The following GRK2 variants were observed in gnomAD, a reference collection of about 807,000 sequenced individuals.
GRK2 encodes G protein-coupled receptor kinase 2.
A neutral mutation model predicts 97.8 loss-of-function variants in GRK2; 23 were observed. The ratio of observed to expected loss-of-function variants is 0.24; its 90% CI spans 0.17 to 0.33. GRK2 has a LOEUF of 0.33. Among genes scored for constraint, GRK2 ranks in the 10% least tolerant of loss-of-function variants. The pLI is 1.00. For synonymous variants in GRK2, 425 were observed against 381.7 expected, an observed-to-expected ratio of 1.11 and a Z score of -1.32; for missense variants, 633 against 956.9, an observed-to-expected ratio of 0.66 and a Z score of 4.47.
rs374925854 is a variant in GRK2, at chr11:67,279,570, T to A, written c.366+51T>A. 1.9e-6 allele frequency: 3 copies of A among 1,612,408 alleles called. No homozygotes were observed. In the South Asian group the frequency reaches 3.3e-5, roughly 18 times the overall value. ...TGCTGGCCCAGAGTCACCTGCAGAT[T>A]GGGAGGGGAAGAGAGGACCCTGCTG... On this transcript the variant is annotated intron_variant, in intron 4 of 20. Coordinates refer to ENST00000308595, the MANE Select transcript of GRK2 (RefSeq NM_001619.5).
rs1374791660 is a variant in GRK2 at position 67,269,199 on chromosome 11, C to G, written c.113+2387C>G. ...CACGCCGCCCCCCGCCCCCCGCCGCCCCAGTGGTGATCCTGACCATGTTTC... is the reference window on the plus strand; with the variant it reads ...CACGCCGCCCCCCGCCCCCCGCCGCGCCAGTGGTGATCCTGACCATGTTTC... On this transcript the variant is annotated intron_variant, in intron 1 of 20. Coordinates refer to ENST00000308595, the MANE Select transcript of GRK2 (RefSeq NM_001619.5). This position sits in a 1 kb window ranked among gnomAD's most constrained non-coding sequence, Gnocchi z 4.1. 6.6e-6 allele frequency among the ~76,000 whole-genome samples: 1 copy of G among 152,184 alleles called. No individual in the cohort carries two copies. The highest frequency in any genetic ancestry group is 2.4e-5 in the African/African-American group (1 of 41,452).
Position 67,285,120 on chromosome 11 carries a change from C to G in GRK2, c.1837C>G (p.Gln613Glu), listed in dbSNP as rs1188278348. The G allele has an allele frequency of 6.2e-7, 1 of 1,613,596 alleles. No individual in the cohort carries two copies. The highest frequency in any genetic ancestry group is 1.7e-5 in the Admixed American group (1 of 60,030). The change falls in exon 20 of 21, where the codon CAG becomes GAG. Residue 613 changes from glutamine (Q) to glutamate (E), a missense_variant. By Grantham distance (29) the Gln-to-Glu change is conservative. Transcript: ENST00000308595. ...MEEIQSVEETQIKERKCLLLK... is the reference protein window; with the variant it reads ...MEEIQSVEETEIKERKCLLLK... ...GGAGATCCAGTCGGTGGAGGAGACG[C>G]AGATCAAGGAGCGCAAGTGCCTGCT...
Position 67,276,527 on chromosome 11 carries a change from C to G in GRK2, c.114-745C>G, listed in dbSNP as rs1450861777. ...CCAGGGCAGGGGTCACATTTTATAT[C>G]CAAGTACTAGGGACACACGAACCAA... On this transcript the variant is annotated intron_variant, in intron 1 of 20. Coordinates refer to ENST00000308595, the MANE Select transcript of GRK2 (RefSeq NM_001619.5). This position sits in a 1 kb window ranked among gnomAD's most constrained non-coding sequence, Gnocchi z 4.2. The G allele has an allele frequency of 1.3e-5, 2 of 152,158 alleles. No homozygotes were observed. Among genetic ancestry groups the G allele is most frequent in the African/African-American group, 2.4e-5 (1 of 41,422 alleles). The allele number at this position is 152,158 out of a possible 1,614,324, so 9.4% of individuals were successfully genotyped here.
At chr11:67,274,203 G>A (rs1859973120) in intron 1 of GRK2, among the ~76,000 whole-genome samples, 2 of 151,992 alleles carry the variant, frequency 1.3e-5, no homozygotes, top group Non-Finnish European at 2.9e-5. Context: ...AGTAGAGACG[G>A]GGTTTCACCA....
At chr11:67,275,512 C>T (rs1860011069) in intron 1 of GRK2, among the ~76,000 whole-genome samples, 1 of 149,234 alleles carries the variant, frequency 6.7e-6, no homozygotes, top group African/African-American at 2.4e-5. Flanking sequence ...GTTGCCTCTG[C>T]CTGGGCTTCC....
intron 1 of GRK2, among the ~76,000 whole-genome samples, chr11:67,273,738 G>T (rs775994527): frequency 6.6e-6 from 1 of 152,116 alleles, no homozygotes; most frequent in Non-Finnish European, 1.5e-5. Context: ...GAGTGCTGTG[G>T]GCTGGGAAGA....
At chr11:67,273,029 G>A (rs1044905725) in intron 1 of GRK2, among the ~76,000 whole-genome samples, 1 of 152,240 alleles carries the variant, frequency 6.6e-6, no homozygotes, top group African/African-American at 2.4e-5. Context: ...GGCGGGGCAC[G>A]GCGGGCAGCA....
chr11:67,279,096 C>A, intron 2 of GRK2, 104 bp from the exon 3 acceptor site: 1 of 968,342 alleles, frequency 1.0e-6, no homozygotes, highest in Non-Finnish European at 1.7e-6. Flanking sequence ...CCTTTGCCAC[C>A]TCCATAGCCA....
intron 1 of GRK2, among the ~76,000 whole-genome samples, chr11:67,272,138 T>C (rs1391968603): frequency 1.3e-5 from 2 of 152,074 alleles, no homozygotes; most frequent in African/African-American, 4.8e-5. Flanking sequence ...CTGCCTCCCA[T>C]CCTGGGTTCC....
At chr11:67,277,455 T>C (rs920367822) in intron 2 of GRK2, 107 bp downstream of exon 2, 3 of 1,018,372 alleles carry the variant, frequency 2.9e-6, no homozygotes, top group Non-Finnish European at 4.5e-6. Flanking sequence ...TCCCATCCAC[T>C]CAGGGTGGAG....
At chr11:67,277,153 C>T in intron 1 of GRK2, 119 bp from the exon 2 acceptor site, 1 of 895,530 alleles carries the variant, frequency 1.1e-6, no homozygotes, top group South Asian at 1.5e-5. Context: ...GCCTGACGGG[C>T]TGGCCTCCTT....
At chr11:67,271,729 T>G (rs894638797) in intron 1 of GRK2, among the ~76,000 whole-genome samples, 4 of 152,244 alleles carry the variant, frequency 2.6e-5, no homozygotes, top group Non-Finnish European at 5.9e-5. Flanking sequence ...CGGGGCCAGC[T>G]GGCTTTTTCT....
chr11:67,283,154 C>T lies in GRK2; in HGVS notation c.1254C>T (p.Ser418=). 6.2e-7 allele frequency: 1 copy of T among 1,614,006 alleles called. No homozygotes were observed. Among genetic ancestry groups the T allele is most frequent in the Admixed American group, 1.7e-5 (1 of 60,030 alleles). The change falls in exon 15 of 21, where the codon TCC becomes TCT. Residue 418 remains serine (S), a synonymous_variant. Coordinates refer to ENST00000308595, the MANE Select transcript of GRK2 (RefSeq NM_001619.5). ...TMAVELPDSF[S]PELRSLLEGL... is the part of the protein sequence containing the mutation. Reference sequence around the variant, plus strand: ...CCGTGGAGCTGCCCGACTCCTTCTCCCCTGAACTACGCTCCCTGCTGGAGG... The same window carrying T: ...CCGTGGAGCTGCCCGACTCCTTCTCTCCTGAACTACGCTCCCTGCTGGAGG...
In GRK2 at chr11:67,284,231, G is replaced by A. The variant is rs1860221666; in HGVS notation, c.1512G>A (p.Glu504=). The change falls in exon 18 of 21, where the codon GAG becomes GAA. Residue 504 remains glutamate, a synonymous_variant. Transcript: ENST00000308595. ...TAAAGTTACTGGACAGTGATCAGGA[G>A]CTCTACCGCAACTTCCCCCTCACCA... ...KGIKLLDSDQ[E]LYRNFPLTIS... 4.3e-6 allele frequency: 7 copies of A among 1,613,550 alleles called. No individual in the cohort carries two copies. The South Asian group carries it at 7.7e-5, about 18-fold the overall frequency.
At position 67,266,717 on chromosome 11, in the gene GRK2, G is replaced by C. The variant is rs1489294892; in HGVS notation, c.18G>C (p.Ala6=). 3.1e-6 allele frequency: 4 copies of C among 1,290,456 alleles called. No individual in the cohort carries two copies. Among genetic ancestry groups the C allele is most frequent in the African/African-American group, 1.6e-5 (1 of 63,806 alleles). The allele number at this position is 1,290,456 out of a possible 1,614,324, so 79.9% of individuals were successfully genotyped here. The part of the protein sequence containing the change: MADLE[A]VLADVSYLMA... ...CCGCCAAGATGGCGGACCTGGAGGCGGTGCTGGCCGACGTGAGCTACCTGA... is the reference window on the plus strand; with the variant it reads ...CCGCCAAGATGGCGGACCTGGAGGCCGTGCTGGCCGACGTGAGCTACCTGA... The change falls in exon 1 of 21, where the codon GCG becomes GCC. Residue 6 remains alanine, a synonymous_variant. Transcript: ENST00000308595.
intron 15 of GRK2, 106 bp from the exon 16 acceptor site, chr11:67,283,601 C>T (rs1159453024): frequency 5.4e-6 from 6 of 1,108,204 alleles, no homozygotes; most frequent in Non-Finnish European, 8.1e-6. Flanking sequence ...ACAGCTCAGG[C>T]TTAAGGAACT....
chr11:67,266,629 G>C lies in GRK2; in HGVS notation c.-71G>C. The C allele has an allele frequency of 1.5e-6, 1 of 674,284 alleles. No homozygotes were observed. The highest frequency in any genetic ancestry group is 1.8e-6 in the Non-Finnish European group (1 of 544,272). 41.8% of individuals were successfully genotyped at this position (674,284 alleles called of 1,614,324 possible). On this transcript the variant is annotated 5_prime_UTR_variant, in exon 1 of 21. Coordinates refer to ENST00000308595, the MANE Select transcript of GRK2 (RefSeq NM_001619.5). ...GGCCGAGCGAGCCGCGGCCGGGCCG[G>C]GCCGAGCGCCGAGCGAGCAGGAGCG...
chr11:67,282,983 G>T lies in GRK2; in HGVS notation c.1228-145G>T. On this transcript the variant is annotated intron_variant, in intron 14 of 20. Transcript: ENST00000308595. The surrounding 1 kb of genome is among the most constrained non-coding windows in gnomAD (Gnocchi z 6.9). Reference sequence around the variant, plus strand: ...CCCCATAGGCTCTCGCCCTCCCCGTGCTGTTGGAGCATGACTGCTGGGCGA... The same window carrying T: ...CCCCATAGGCTCTCGCCCTCCCCGTTCTGTTGGAGCATGACTGCTGGGCGA... 1 of 1,147,302 alleles carries T rather than the reference G, an allele frequency of 8.7e-7. No homozygotes were observed. 71.1% of individuals were successfully genotyped at this position (1,147,302 alleles called of 1,614,324 possible). A position where few individuals can be genotyped will look rare whatever the true frequency, so the allele number is the denominator to read the frequency against.
In GRK2 at chr11:67,281,777, C is replaced by G. The variant is rs1565067472; in HGVS notation, c.827-45C>G. On this transcript the variant is annotated intron_variant, in intron 10 of 20. Coordinates refer to ENST00000308595, the MANE Select transcript of GRK2 (RefSeq NM_001619.5). The surrounding 1 kb of genome is among the most constrained non-coding windows in gnomAD (Gnocchi z 5.7). ...GTGGGCCGGGCCCAGGCACGGGAGG[C>G]TGGGGCAAGACACTGAGTGCTGCCT... is the stretch of plus-strand genomic sequence containing the variant. 1.2e-6 allele frequency: 2 copies of G among 1,613,638 alleles called. No individual in the cohort carries two copies. The highest frequency in any genetic ancestry group is 1.7e-6 in the Non-Finnish European group (2 of 1,179,988).
Sources: allele counts gnomAD v4.1 joint callset (sites outside exome capture counted in the v4.1 genomes callset), GRCh38; gene constraint gnomAD v4.1.1; non-coding constraint Gnocchi (gnomAD v3.1); transcripts MANE v1.5; gene names NCBI Gene and HGNC (gene_info 2026-07-23, HGNC 2026-07-21).